Variants in DHRS3 observed in about 807,000 individuals in gnomAD.
DHRS3 encodes the protein dehydrogenase/reductase 3.
DHRS3 carries 14 observed loss-of-function variants against 27.2 expected under a neutral mutation model. The observed-to-expected ratio is 0.52, with a 90% confidence interval of 0.34 to 0.81. The LOEUF is 0.81. DHRS3 is among the 30% of genes least tolerant of loss of function. The pLI is 0.01. For synonymous variants in DHRS3, 165 were observed against 175.9 expected (o/e 0.94, Z 0.49); for missense variants, 322 against 406.2 (o/e 0.79, Z 1.78).
In DHRS3 at chr1:12,617,250, C is replaced by T; in HGVS notation, c.99G>A (p.Leu33=). 1 of 1,613,808 alleles carries T rather than the reference C, an allele frequency of 6.2e-7. No homozygotes were observed. The highest frequency in any genetic ancestry group is 1.7e-4 in the Middle Eastern group (1 of 6,060). The change falls in exon 1 of 6, where the codon CTG becomes CTA. Residue 33 remains leucine, a synonymous_variant. Coordinates refer to ENST00000616661, the MANE Select transcript of DHRS3 (RefSeq NM_004753.7). ...GGACGTTCTCCCGCGACAGGTCCCG[C>T]AGCTTGGCGGGCAGCACCAGTCCGA... The part of the protein sequence containing the change: ...AAVGLVLPAK[L]RDLSRENVLI...
At chr1:12,580,789 C>T (rs1646637737) in intron 1 of DHRS3, 123 bp from the exon 2 acceptor site, 2 of 1,179,818 alleles carry the variant, frequency 1.7e-6, no homozygotes, top group Non-Finnish European at 2.4e-6. Context: ...CCTGGTTCCA[C>T]CCAAAGATAA....
chr1:12,590,977 G>C (rs959235557), intron 1 of DHRS3, among the ~76,000 whole-genome samples: 6 of 152,182 alleles, frequency 3.9e-5, no homozygotes, highest in Non-Finnish European at 8.8e-5. Context: ...TCTGCATGCT[G>C]TCAGGTAAAA....
intron 2 of DHRS3, among the ~76,000 whole-genome samples, 158 bp from the exon 3 acceptor site, chr1:12,579,570 G>A (rs1159856835): frequency 6.6e-6 from 1 of 152,196 alleles, no homozygotes; most frequent in Non-Finnish European, 1.5e-5. Flanking sequence ...CCGCCTCCTG[G>A]GTTCAAGCGA....
rs747161083 is a variant in DHRS3 at position 12,572,846 on chromosome 1, T to C, written c.706A>G (p.Asn236Asp). The change falls in exon 5 of 6, where the codon AAC (asparagine) becomes GAC (aspartate). Residue 236 changes from asparagine to aspartate, a missense_variant. Coordinates refer to ENST00000616661, the MANE Select transcript of DHRS3 (RefSeq NM_004753.7). Reference protein sequence around the residue: ...MFQGMRVRFPNLFPPLKPETV... With the variant: ...MFQGMRVRFPDLFPPLKPETV... ...TCCGGCTTCAGTGGGGGAAAGAGGT[T>C]GGGAAACCTGAACACAGGAAGAGAC... is the stretch of plus-strand genomic sequence containing the variant. 1.2e-6 allele frequency: 2 copies of C among 1,600,576 alleles called. No individual in the cohort carries two copies. The highest frequency in any genetic ancestry group is 4.5e-5 in the East Asian group (2 of 44,524).
At chr1:12,596,570 C>T (rs1646799378) in intron 1 of DHRS3, among the ~76,000 whole-genome samples, 1 of 151,962 alleles carries the variant, frequency 6.6e-6, no homozygotes, top group Non-Finnish European at 1.5e-5. Context: ...AGCCCTGGAC[C>T]GCACTAACTT....
chr1:12,607,839 T>TTGTGTG (rs1182923186), intron 1 of DHRS3, among the ~76,000 whole-genome samples: 4 of 139,522 alleles, frequency 2.9e-5, no homozygotes, highest in Non-Finnish European at 4.9e-5. Flanking sequence ...ATATATATAT[T>TTGTGTG]TGTGTATATG....
intron 1 of DHRS3, among the ~76,000 whole-genome samples, chr1:12,599,979 C>T (rs1350023051): frequency 6.6e-6 from 1 of 152,184 alleles, no homozygotes; most frequent in East Asian, 1.9e-4. Flanking sequence ...TTATTAACAA[C>T]AAAGACTGGT....
intron 1 of DHRS3, among the ~76,000 whole-genome samples, chr1:12,610,336 C>T (rs1198277383): frequency 1.3e-5 from 2 of 151,922 alleles, no homozygotes; most frequent in Non-Finnish European, 2.9e-5. Flanking sequence ...AAGTGTTCCG[C>T]CTGCCTTAGC....
At chr1:12,579,503 T>G in intron 2 of DHRS3, 91 bp from the exon 3 acceptor site, 1 of 1,519,232 alleles carries the variant, frequency 6.6e-7, no homozygotes, top group Non-Finnish European at 8.8e-7. Context: ...TGAGATGGAG[T>G]CTCACTCTGT....
Position 12,617,450 on chromosome 1 carries a change from G to T in DHRS3, c.-102C>A. ...AATAAATAGTAAACCGAATAAGGAG[G>T]AGAGAGGCGTCCCACCTGGCCACTC... On this transcript the variant is annotated 5_prime_UTR_variant, in exon 1 of 6. Transcript: ENST00000616661. 1 of 1,255,094 alleles carries T rather than the reference G, an allele frequency of 8.0e-7. No homozygotes were observed. Among genetic ancestry groups the T allele is most frequent in the South Asian group, 1.6e-5 (1 of 64,198 alleles). The allele number at this position is 1,255,094 out of a possible 1,614,324, so 77.7% of individuals were successfully genotyped here.
At chr1:12,600,483 T>G (rs1646828156) in intron 1 of DHRS3, 12 of 776,850 alleles carry the variant, frequency 1.5e-5, no homozygotes, top group Non-Finnish European at 1.9e-5. Context: ...ACACGGGCCG[T>G]GCAGCCAAGG....
intron 5 of DHRS3, among the ~76,000 whole-genome samples, chr1:12,571,823 C>T (rs1276004752): frequency 6.6e-6 from 1 of 151,908 alleles, no homozygotes; most frequent in East Asian, 1.9e-4. Context: ...CGTGAGCCAC[C>T]GTGCCCGGCC....
At chr1:12,614,710 T>A (rs2100730796) in intron 1 of DHRS3, among the ~76,000 whole-genome samples, 1 of 150,408 alleles carries the variant, frequency 6.6e-6, no homozygotes, top group South Asian at 2.1e-4. Context: ...CACTTTTTTT[T>A]TTTTTTTTTT....
chr1:12,616,625 G>C, intron 1 of DHRS3: 1 of 989,454 alleles, frequency 1.0e-6, no homozygotes, highest in Non-Finnish European at 1.2e-6. Context: ...CCAGACTACT[G>C]CATACAAGAC....
At chr1:12,599,023 C>T (rs145166779) in intron 1 of DHRS3, among the ~76,000 whole-genome samples, 215 of 152,334 alleles carry the variant, frequency 1.4e-3, no homozygotes, top group Admixed American at 2.3e-3. Context: ...CTGATGTGTC[C>T]CAGGGAGACC....
chr1:12,569,512 T>C (rs1466182112), intron 5 of DHRS3, among the ~76,000 whole-genome samples: 4 of 152,214 alleles, frequency 2.6e-5, no homozygotes, highest in Non-Finnish European at 5.9e-5. Context: ...AGCATTTATC[T>C]GTTGTGTTAC....
chr1:12,606,136 C>CA (rs35154933), intron 1 of DHRS3, among the ~76,000 whole-genome samples: 3,233 of 106,740 alleles, frequency 0.03, 169 homozygotes, highest in African/African-American at 0.096. Flanking sequence ...GACTCTGTCT[C>CA]AAAAAAAAAA....
intron 4 of DHRS3, among the ~76,000 whole-genome samples, chr1:12,575,894 A>G (rs1437566245): frequency 6.6e-6 from 1 of 152,066 alleles, no homozygotes; most frequent in East Asian, 1.9e-4. Flanking sequence ...TTTAGTAGAG[A>G]CAGGGTTTCA....
chr1:12,616,488 T>TG (rs1273390886), intron 1 of DHRS3: 4 of 889,558 alleles, frequency 4.5e-6, no homozygotes, highest in African/African-American at 3.7e-5. Context: ...GAGGGATCCC[T>TG]GGGGGGTGTA....
Sources: allele counts gnomAD v4.1 joint callset (sites outside exome capture counted in the v4.1 genomes callset), GRCh38; gene constraint gnomAD v4.1.1; transcripts MANE v1.5; gene names NCBI Gene and HGNC (gene_info 2026-07-23, HGNC 2026-07-21).